SLC35F4: variants seen among roughly 807,000 people sequenced by gnomAD.
SLC35F4 encodes solute carrier family 35 member F4, also known as chromosome 14 open reading frame 36.
Under a neutral mutation model 44.2 loss-of-function variants are expected in SLC35F4, and 24 were observed. The observed-to-expected ratio is 0.54, with a 90% CI of 0.39 to 0.76. The LOEUF (loss-of-function observed/expected upper bound fraction) is 0.76, where lower values mean the gene tolerates loss of function less well. SLC35F4 is among the 30% of genes least tolerant of loss of function. The pLI is 0.00. For synonymous variants in SLC35F4, 238 were observed against 223.6 expected, an observed-to-expected ratio of 1.06 and a Z score of -0.57; for missense variants, 562 against 586.1, an observed-to-expected ratio of 0.96 and a Z score of 0.42.
intron 2 of SLC35F4, among the ~76,000 whole-genome samples, chr14:57,592,734 G>A (rs937560544): frequency 2.6e-5 from 4 of 152,180 alleles, no homozygotes; most frequent in East Asian, 1.9e-4. Context: ...GACCCTAGAC[G>A]AAGCTTTCAC....
intron 1 of SLC35F4, among the ~76,000 whole-genome samples, chr14:57,643,608 A>G (rs80170006): frequency 6.6e-6 from 1 of 151,632 alleles, no homozygotes; most frequent in Non-Finnish European, 1.5e-5. Flanking sequence ...ATCATTGGTC[A>G]TTTTTTTTAA....
chr14:57,801,965 G>T (rs1009716697), intron 1 of SLC35F4, among the ~76,000 whole-genome samples: 1 of 152,126 alleles, frequency 6.6e-6, no homozygotes, highest in Admixed American at 6.5e-5. Flanking sequence ...AAACTCAGCT[G>T]TGGATCAAGT....
chr14:57,687,928 T>C (rs1305766707), intron 1 of SLC35F4, among the ~76,000 whole-genome samples: 2 of 152,228 alleles, frequency 1.3e-5, no homozygotes, highest in Non-Finnish European at 2.9e-5. Context: ...GTTAAAATTG[T>C]GGTACTGGAA....
At chr14:57,964,404 A>AC (rs1406142083) in intron 1 of SLC35F4, among the ~76,000 whole-genome samples, 2 of 148,500 alleles carry the variant, frequency 1.3e-5, no homozygotes, top group Non-Finnish European at 3.0e-5. Context: ...AAGACTCTAA[A>AC]TTTAAAAAAA....
intron 1 of SLC35F4, among the ~76,000 whole-genome samples, chr14:57,697,711 A>G (rs1055233490): frequency 6.6e-6 from 1 of 152,082 alleles, no homozygotes; most frequent in African/African-American, 2.4e-5. Context: ...AAAAAAAAAA[A>G]AAAGAAAGAA....
chr14:57,809,049 T>G (rs573925738), intron 1 of SLC35F4, among the ~76,000 whole-genome samples: 1 of 152,288 alleles, frequency 6.6e-6, no homozygotes, highest in Non-Finnish European at 1.5e-5. Flanking sequence ...TTTTTGGTAA[T>G]GATTTTTATT....
chr14:57,582,720 A>G (rs779642262), intron 3 of SLC35F4, among the ~76,000 whole-genome samples: 4 of 152,238 alleles, frequency 2.6e-5, no homozygotes, highest in African/African-American at 4.8e-5. Flanking sequence ...GTATATGTTT[A>G]TAATGAAATC....
chr14:57,572,055 G>C (rs1178892420), intron 4 of SLC35F4, 36 bp from the exon 5 acceptor site: 2 of 1,591,800 alleles, frequency 1.3e-6, no homozygotes, highest in South Asian at 2.3e-5. Context: ...GAAAAGCAAT[G>C]ATCCCTCTGT....
At chr14:57,890,824 A>C (rs1888746325) in intron 1 of SLC35F4, among the ~76,000 whole-genome samples, 1 of 152,252 alleles carries the variant, frequency 6.6e-6, no homozygotes, top group Non-Finnish European at 1.5e-5. Context: ...GATACTGTTG[A>C]TTGATGTTAG....
intron 1 of SLC35F4, among the ~76,000 whole-genome samples, chr14:57,857,883 T>C (rs1391036465): frequency 6.6e-6 from 1 of 151,980 alleles, no homozygotes; most frequent in Non-Finnish European, 1.5e-5. Flanking sequence ...AGTAAAGCAC[T>C]GAGAAGCAAA....
intron 4 of SLC35F4, among the ~76,000 whole-genome samples, chr14:57,574,068 A>T (rs1040719100): frequency 5.3e-5 from 8 of 152,222 alleles, no homozygotes; most frequent in Non-Finnish European, 1.0e-4. Context: ...AAAACCAATT[A>T]AAAAACCCCA....
intron 1 of SLC35F4, among the ~76,000 whole-genome samples, chr14:57,940,945 G>A (rs1040711778): frequency 3.3e-5 from 5 of 152,152 alleles, no homozygotes; most frequent in East Asian, 1.9e-4. Flanking sequence ...TTAGTGTCAC[G>A]TGAAAAGATG....
chr14:57,571,643 T>C (rs1566627043), intron 5 of SLC35F4, among the ~76,000 whole-genome samples: 1 of 152,332 alleles, frequency 6.6e-6, no homozygotes. Flanking sequence ...GGGCAAGTTA[T>C]GTAATCTTTC....
At chr14:57,626,872 A>G (rs1412819581) in intron 1 of SLC35F4, among the ~76,000 whole-genome samples, 1 of 151,776 alleles carries the variant, frequency 6.6e-6, no homozygotes, top group Non-Finnish European at 1.5e-5. Flanking sequence ...AATGACTGAT[A>G]GAGTGGTATT....
chr14:57,733,832 G>A (rs1294210551), intron 1 of SLC35F4, among the ~76,000 whole-genome samples: 4 of 151,902 alleles, frequency 2.6e-5, no homozygotes, highest in Non-Finnish European at 5.9e-5. Context: ...TGTTATAAAG[G>A]ATAATGCTTG....
intron 1 of SLC35F4, among the ~76,000 whole-genome samples, chr14:57,818,431 T>C (rs1254604895): frequency 6.6e-6 from 1 of 152,168 alleles, no homozygotes; most frequent in Non-Finnish European, 1.5e-5. Flanking sequence ...GAGCTCTTCA[T>C]TCCAGTAGAC....
intron 1 of SLC35F4, among the ~76,000 whole-genome samples, chr14:57,721,825 G>C (rs1594883950): frequency 6.6e-6 from 1 of 152,146 alleles, no homozygotes; most frequent in Non-Finnish European, 1.5e-5. Flanking sequence ...AACCCATGCT[G>C]CCATCAGCCT....
At chr14:57,753,836 C>T (rs1458379019) in intron 1 of SLC35F4, among the ~76,000 whole-genome samples, 2 of 152,184 alleles carry the variant, frequency 1.3e-5, no homozygotes, top group East Asian at 1.9e-4. Context: ...GGGTAGCTTC[C>T]TCCCATTTGG....
chr14:57,834,629 A>G (rs1884714234), intron 1 of SLC35F4, among the ~76,000 whole-genome samples: 1 of 152,250 alleles, frequency 6.6e-6, no homozygotes, highest in Non-Finnish European at 1.5e-5. Flanking sequence ...CTAAACCGTC[A>G]TTCACTTAAT....
Sources: gnomAD v4.1 joint callset for allele counts (sites outside exome capture counted in the v4.1 genomes callset) on GRCh38, gnomAD v4.1.1 for gene constraint, MANE v1.5 for transcripts, NCBI Gene and HGNC (gene_info 2026-07-23, HGNC 2026-07-21) for gene names.